RANBP2: variants seen among roughly 807,000 people sequenced by gnomAD.
RANBP2 encodes the protein E3 SUMO-protein ligase RanBP2.
In RANBP2, 57 loss-of-function variants were observed where a neutral mutation model predicts 303.6. That is an observed-to-expected ratio of 0.19 (90% CI 0.15 to 0.23). The LOEUF (loss-of-function observed/expected upper bound fraction) is 0.23, where lower values mean the gene tolerates loss of function less well. Ranked by LOEUF, RANBP2 falls within the 10% of genes least tolerant of loss-of-function variation. RANBP2 has a pLI of 1.00. For missense variants in RANBP2, 3,138 were observed against 3,780.8 expected, an observed-to-expected ratio of 0.83 and a Z score of 4.46; for synonymous variants, 1,167 against 1,301.5, an observed-to-expected ratio of 0.90 and a Z score of 2.23.
At chr2:108,941,184 C>T in the RANBP2 span, among the ~76,000 whole-genome samples, 2 of 152,278 alleles carry the variant, frequency 1.3e-5, no homozygotes, top group South Asian at 2.1e-4. Flanking sequence ...TTTTTATTGC[C>T]GAATCGTATT....
chr2:108,821,325 T>C, the RANBP2 span, among the ~76,000 whole-genome samples: 1 of 152,134 alleles, frequency 6.6e-6, no homozygotes, highest in African/African-American at 2.4e-5. Context: ...GCCATTGCAC[T>C]CCAGCCTGGG....
At chr2:109,001,612 T>A in the RANBP2 span, among the ~76,000 whole-genome samples, 1 of 152,206 alleles carries the variant, frequency 6.6e-6, no homozygotes, top group African/African-American at 2.4e-5. Context: ...ATCCCTCATG[T>A]CCCCTGGCCT....
At chr2:108,968,754 G>C in the RANBP2 span, among the ~76,000 whole-genome samples, 2 of 152,184 alleles carry the variant, frequency 1.3e-5, no homozygotes, top group African/African-American at 2.4e-5. Flanking sequence ...CGAACACTAG[G>C]AAATAAGGTC....
chr2:109,058,062 G>T, the RANBP2 span, among the ~76,000 whole-genome samples: 4 of 152,208 alleles, frequency 2.6e-5, no homozygotes, highest in Non-Finnish European at 5.9e-5. Flanking sequence ...GGGTCACTGG[G>T]AGTTGCCACA....
At chr2:109,305,707 G>C in the RANBP2 span, among the ~76,000 whole-genome samples, 1 of 152,224 alleles carries the variant, frequency 6.6e-6, no homozygotes, top group Non-Finnish European at 1.5e-5. Context: ...CTTCATGTGC[G>C]GTGTGTGGCT....
chr2:108,728,034 G>C (rs1433373475), intron 1 of RANBP2, among the ~76,000 whole-genome samples: 1 of 152,156 alleles, frequency 6.6e-6, no homozygotes, highest in Non-Finnish European at 1.5e-5. Context: ...ATACTGATCT[G>C]ATCTGTAGAG....
the RANBP2 span, among the ~76,000 whole-genome samples, chr2:109,080,688 G>C: frequency 6.6e-6 from 1 of 152,140 alleles, no homozygotes; most frequent in Non-Finnish European, 1.5e-5. Context: ...TAGTATCTAT[G>C]AAGGGAACAT....
the RANBP2 span, among the ~76,000 whole-genome samples, chr2:109,317,418 A>G: frequency 6.6e-6 from 1 of 151,968 alleles, no homozygotes; most frequent in African/African-American, 2.4e-5. Context: ...TAGCGCTCAG[A>G]AGGGACACTG....
At chr2:108,996,670 C>G in the RANBP2 span, among the ~76,000 whole-genome samples, 1 of 152,074 alleles carries the variant, frequency 6.6e-6, no homozygotes, top group Admixed American at 6.6e-5. Flanking sequence ...GCCTTTGAAT[C>G]AGTGATCTTA....
the RANBP2 span, among the ~76,000 whole-genome samples, chr2:108,967,695 A>G: frequency 1.3e-5 from 2 of 152,078 alleles, no homozygotes; most frequent in Admixed American, 6.6e-5. Context: ...TCATAAACCA[A>G]TTTCTTTTCC....
At chr2:108,979,651 A>C in the RANBP2 span, among the ~76,000 whole-genome samples, 5 of 152,008 alleles carry the variant, frequency 3.3e-5, no homozygotes, top group African/African-American at 1.2e-4. Flanking sequence ...CTGCCTCCCT[A>C]CCCAGGGTCA....
the RANBP2 span, among the ~76,000 whole-genome samples, chr2:109,771,462 C>T: frequency 9.5e-6 from 1 of 104,740 alleles, no homozygotes; most frequent in African/African-American, 4.8e-5. Context: ...AGAAGCATGT[C>T]TACGTGCAGG....
At chr2:108,978,574 T>C in the RANBP2 span, among the ~76,000 whole-genome samples, 1 of 148,410 alleles carries the variant, frequency 6.7e-6, no homozygotes, top group Non-Finnish European at 1.5e-5. Flanking sequence ...CGAGGAAAAG[T>C]TTTTTTTTCT....
At chr2:108,719,715 G>T (rs1360380029) in intron 1 of RANBP2, 37 bp downstream of exon 1, 1 of 1,563,064 alleles carries the variant, frequency 6.4e-7, no homozygotes, top group Non-Finnish European at 8.7e-7. Context: ...GCCTCGACCT[G>T]GCCGGGCGGC....
the RANBP2 span, among the ~76,000 whole-genome samples, chr2:109,299,137 C>T: frequency 6.6e-6 from 1 of 152,212 alleles, no homozygotes; most frequent in Admixed American, 6.5e-5. Context: ...AGCTCCTCTC[C>T]CCATGGGTGT....
chr2:108,738,628 C>CTTT (rs373620543), intron 6 of RANBP2, among the ~76,000 whole-genome samples: 3 of 136,610 alleles, frequency 2.2e-5, no homozygotes, highest in Admixed American at 7.5e-5. Context: ...ATAATAATAG[C>CTTT]TTTTTTTTTT....
chr2:109,135,192 GC>G, the RANBP2 span, among the ~76,000 whole-genome samples: 1 of 152,186 alleles, frequency 6.6e-6, no homozygotes, highest in Admixed American at 6.5e-5. Context: ...CGGTGACCCA[GC>G]CCCAACCCCA....
chr2:109,322,517 A>G, the RANBP2 span, among the ~76,000 whole-genome samples: 47 of 152,344 alleles, frequency 3.1e-4, no homozygotes, highest in Non-Finnish European at 5.7e-4. Context: ...AAGCCTATAA[A>G]TAATTTCACA....
the RANBP2 span, among the ~76,000 whole-genome samples, chr2:109,048,424 T>TTGAGTC: frequency 6.6e-6 from 1 of 152,076 alleles, no homozygotes; most frequent in African/African-American, 2.4e-5. Flanking sequence ...CATGTGGAGT[T>TTGAGTC]TTGAGTCTTT....
Sources: allele counts gnomAD v4.1 joint callset (sites outside exome capture counted in the v4.1 genomes callset), GRCh38; gene constraint gnomAD v4.1.1; transcripts MANE v1.5; gene names NCBI Gene and HGNC (gene_info 2026-07-23, HGNC 2026-07-21).